VPS13B: variants seen among roughly 807,000 people sequenced by gnomAD.
VPS13B encodes vacuolar protein sorting 13 homolog B, also known as intermembrane lipid transfer protein VPS13B.
Under a neutral mutation model 426.4 loss-of-function variants are expected in VPS13B, and 285 were observed. That is an observed-to-expected ratio of 0.67 (90% CI 0.61 to 0.74). VPS13B has a LOEUF of 0.74. VPS13B is among the 30% of genes least tolerant of loss of function. The pLI, the probability that VPS13B is intolerant of heterozygous loss-of-function variation, is 0.00. For missense variants in VPS13B, 4,537 were observed against 4,782.6 expected (o/e 0.95, Z 1.51); for synonymous variants, 1,676 against 1,676.4 (o/e 1.00, Z 0.01).
At position 99,225,900 on chromosome 8, in the gene VPS13B, C is replaced by T. The variant is rs548258464; in HGVS notation, c.2515+32843C>T. Among the ~76,000 whole-genome samples, 8 of 152,076 alleles carry T rather than the reference C, an allele frequency of 5.3e-5. No individual in the cohort carries two copies. In the South Asian group the frequency reaches 8.3e-4, roughly 16 times the overall value. On this transcript the variant is annotated intron_variant, in intron 17 of 61. Coordinates refer to ENST00000357162, the MANE Select transcript of VPS13B (RefSeq NM_152564.5). ...TGTTAGTACATGATCATTTCATGAC[C>T]TTCTCTTAGACTCATCATGGGAAAC...
intron 30 of VPS13B, among the ~76,000 whole-genome samples, chr8:99,528,147 C>T (rs750894812): frequency 1.3e-5 from 2 of 151,910 alleles, no homozygotes; most frequent in African/African-American, 4.8e-5. Flanking sequence ...ATTATACTTC[C>T]TATGTCTTTT....
intron 19 of VPS13B, among the ~76,000 whole-genome samples, chr8:99,374,597 G>A (rs1433466024): frequency 6.6e-6 from 1 of 151,972 alleles, no homozygotes; most frequent in Non-Finnish European, 1.5e-5. Context: ...TTAATGTAAT[G>A]TCAAATGTTG....
At chr8:99,494,812 A>G (rs1480149080) in intron 25 of VPS13B, among the ~76,000 whole-genome samples, 1 of 152,122 alleles carries the variant, frequency 6.6e-6, no homozygotes, top group Non-Finnish European at 1.5e-5. Flanking sequence ...TTTCTTCTCA[A>G]GGGAAACCTC....
intron 44 of VPS13B, among the ~76,000 whole-genome samples, chr8:99,810,885 A>T (rs1588733642): frequency 6.6e-6 from 1 of 152,164 alleles, no homozygotes; most frequent in African/African-American, 2.4e-5. Flanking sequence ...ACGAAGAGAC[A>T]AATGTGGGAC....
chr8:99,680,446 A>T (rs1831112875), intron 35 of VPS13B, among the ~76,000 whole-genome samples: 1 of 152,220 alleles, frequency 6.6e-6, no homozygotes, highest in African/African-American at 2.4e-5. Context: ...TGATAGGAGC[A>T]TAAAATAAGT....
In VPS13B at chr8:99,266,714, T is replaced by C. The variant is rs373724751; in HGVS notation, c.2516-7484T>C. Among the ~76,000 whole-genome samples, 6 of 152,264 alleles carry C rather than the reference T, an allele frequency of 3.9e-5. No individual in the cohort carries two copies. In the South Asian group the frequency reaches 8.3e-4, roughly 21 times the overall value. ...GGTTACCTTCATGCTGTTCTTGTGA[T>C]AGTGAGTGAGTTCTCAGGAGATCTG... On this transcript the variant is annotated intron_variant, in intron 17 of 61. Transcript: ENST00000357162.
At chr8:99,478,447 G>GTTTTGTTTTTTTTTGTTTTTTTTTGTTTT (rs1819822769) in intron 24 of VPS13B, among the ~76,000 whole-genome samples, 1 of 85,778 alleles carries the variant, frequency 1.2e-5, no homozygotes, top group Admixed American at 1.4e-4. Flanking sequence ...TTTTTGTTTT[G>GTTTTGTTTTTTTTTGTTTTTTTTTGTTTT]TTTTTTTTTT....
At position 99,188,149 on chromosome 8, in the gene VPS13B, T is replaced by A. The variant is rs1270729321; in HGVS notation, c.2334-4727T>A. 2.6e-5 allele frequency among the ~76,000 whole-genome samples: 4 copies of A among 151,834 alleles called. No homozygotes were observed. In the East Asian group the frequency reaches 7.7e-4, roughly 29 times the overall value. Reference sequence around the variant, plus strand: ...AATACTTTAGGGACCTAGTTTGTTTTCATTGAGCTAAAATTTACAACATAA... The same window carrying A: ...AATACTTTAGGGACCTAGTTTGTTTACATTGAGCTAAAATTTACAACATAA... On this transcript the variant is annotated intron_variant, in intron 16 of 61. Transcript: ENST00000357162.
chr8:99,791,963 G>A (rs1812561597), intron 43 of VPS13B, among the ~76,000 whole-genome samples: 1 of 152,082 alleles, frequency 6.6e-6, no homozygotes, highest in Non-Finnish European at 1.5e-5. Context: ...AGAAAACCCT[G>A]GAGAGGAGAA....
chr8:99,326,358 A>G (rs1353415397), intron 19 of VPS13B, among the ~76,000 whole-genome samples: 1 of 149,418 alleles, frequency 6.7e-6, no homozygotes, highest in East Asian at 2.0e-4. Flanking sequence ...GTCCTCTTCT[A>G]TATGTGAATT....
intron 2 of VPS13B, among the ~76,000 whole-genome samples, chr8:99,026,409 T>C (rs1238323691): frequency 3.9e-5 from 6 of 152,194 alleles, no homozygotes; most frequent in African/African-American, 1.4e-4. Context: ...TTTTGTGTGC[T>C]AATGGCAAGA....
At position 99,287,047 on chromosome 8, in the gene VPS13B, GT is replaced by G. The variant is rs1398257295; in HGVS notation, c.2824+11797del. 5.3e-5 allele frequency among the ~76,000 whole-genome samples: 8 copies of G among 152,096 alleles called. No individual in the cohort carries two copies. The East Asian group carries it at 1.5e-3, about 29-fold the overall frequency. On this transcript the variant is annotated intron_variant, in intron 19 of 61. Coordinates refer to ENST00000357162, the MANE Select transcript of VPS13B (RefSeq NM_152564.5). ...ACGTGCCAGAATAAGGCTCATTTTG[GT>G]TTTGTTTTAGGCTTTGTTAATGAAG...
chr8:99,378,002 G>A (rs1315407970), intron 19 of VPS13B, among the ~76,000 whole-genome samples: 4 of 152,144 alleles, frequency 2.6e-5, no homozygotes, highest in African/African-American at 9.7e-5. Flanking sequence ...GAGAGAACCA[G>A]TCTGACTAGA....
At chr8:99,348,762 G>A (rs554318281) in intron 19 of VPS13B, among the ~76,000 whole-genome samples, 2 of 152,142 alleles carry the variant, frequency 1.3e-5, no homozygotes, top group East Asian at 3.9e-4. Flanking sequence ...ATAGTGTTTT[G>A]TTCTTAAGTA....
chr8:99,049,394 G>C (rs200536976), intron 3 of VPS13B, among the ~76,000 whole-genome samples: 2 of 11,576 alleles, frequency 1.7e-4, no homozygotes, highest in African/African-American at 4.8e-4. Context: ...GTCTGAAAAA[G>C]ACTCTATCTT....
rs772319312 is a variant in VPS13B, at chr8:99,821,278, G to T, written c.8995-16G>T. ...GGTAAGAAAATTACTTTATAATTGA[G>T]GCATTATTTTTCCAGGAAGCTTTTC... On this transcript the variant is annotated splice_polypyrimidine_tract_variant and intron_variant, in intron 49 of 61. Coordinates refer to ENST00000357162, the MANE Select transcript of VPS13B (RefSeq NM_152564.5). 2 of 1,612,788 alleles carry T rather than the reference G, an allele frequency of 1.2e-6. No individual in the cohort carries two copies. Among genetic ancestry groups the T allele is most frequent in the African/African-American group, 1.3e-5 (1 of 74,922 alleles).
rs71273165 is a variant in VPS13B at position 99,128,386 on chromosome 8, C to CAA, written c.1207-6206_1207-6205dup. Among the ~76,000 whole-genome samples, 40 of 34,222 alleles carry CAA rather than the reference C, an allele frequency of 1.2e-3. 4 individuals carry two copies. Among genetic ancestry groups the CAA allele is most frequent in the East Asian group, 3.2e-3 (3 of 938 alleles). The allele number at this position is 34,222 out of a possible 152,430, so 22.5% of individuals were successfully genotyped here. ...TGGGTGACAGAGCAAGATACTGTCCCAAAAAAAAAAAAAAAAAAAAAAAAA... is the reference window on the plus strand; with the variant it reads ...TGGGTGACAGAGCAAGATACTGTCCCAAAAAAAAAAAAAAAAAAAAAAAAAAA... On this transcript the variant is annotated intron_variant, in intron 8 of 61. Coordinates refer to ENST00000357162, the MANE Select transcript of VPS13B (RefSeq NM_152564.5).
At chr8:99,233,285 C>G in intron 17 of VPS13B, 1 of 1,148,920 alleles carries the variant, frequency 8.7e-7, no homozygotes, top group Non-Finnish European at 1.3e-6. Flanking sequence ...ATCACCCGGC[C>G]AGCTGTGGAA....
Position 99,832,482 on chromosome 8 carries a change from A to G in VPS13B, c.9444A>G (p.Ser3148=), listed in dbSNP as rs1419669701. Residue 3148 remains serine, a synonymous_variant, in exon 52 of 62, where the codon TCA becomes TCG. Transcript: ENST00000357162. ...CWDLMPDISQ[S]VLDASLLQKQ... is the part of the protein sequence containing the mutation. The stretch of plus-strand genomic sequence containing the variant: ...ACTTGATGCCTGACATCAGTCAGTC[A>G]GTACTGGATGCATCCCTGCTTCAGA... The G allele has an allele frequency of 6.2e-7, 1 of 1,613,104 alleles. No homozygotes were observed. Among genetic ancestry groups the G allele is most frequent in the East Asian group, 2.2e-5 (1 of 44,750 alleles).
Sources: gnomAD v4.1 joint callset for allele counts (sites outside exome capture counted in the v4.1 genomes callset) on GRCh38, gnomAD v4.1.1 for gene constraint, MANE v1.5 for transcripts, NCBI Gene and HGNC (gene_info 2026-07-23, HGNC 2026-07-21) for gene names.